The following SUSD6 variants were observed in gnomAD, a reference collection of about 807,000 sequenced individuals.
The protein encoded by SUSD6 is sushi domain containing 6.
In SUSD6, 16 loss-of-function variants were observed where a neutral mutation model predicts 28.4. The observed-to-expected ratio is 0.56, with a 90% CI of 0.38 to 0.86. The LOEUF (loss-of-function observed/expected upper bound fraction) is 0.86, where lower values mean the gene tolerates loss of function less well. Among genes scored for constraint, SUSD6 ranks in the 40% least tolerant of loss-of-function variants. SUSD6 has a pLI of 0.00. For synonymous variants in SUSD6, 147 were observed against 159.6 expected (o/e 0.92, Z 0.59); for missense variants, 341 against 384.2 (o/e 0.89, Z 0.94).
At chr14:69,680,096 A>G (rs1416119160) in intron 2 of SUSD6, among the ~76,000 whole-genome samples, 1 of 152,130 alleles carries the variant, frequency 6.6e-6, no homozygotes, top group Admixed American at 6.5e-5. Context: ...TCTCCTTAAG[A>G]ATGGTGTACA....
chr14:69,688,587 T>TGTGTGCTCCAGCCCC (rs1886109106), intron 2 of SUSD6, among the ~76,000 whole-genome samples: 1 of 152,224 alleles, frequency 6.6e-6, no homozygotes, highest in East Asian at 1.9e-4. Flanking sequence ...ATTCCTTTTC[T>TGTGTGCTCCAGCCCC]GTGTGCTCCA....
intron 2 of SUSD6, among the ~76,000 whole-genome samples, chr14:69,682,592 G>GTGCAATTGTTTT (rs1246787458): frequency 6.6e-6 from 1 of 152,094 alleles, no homozygotes; most frequent in African/African-American, 2.4e-5. Context: ...GCCATCCACT[G>GTGCAATTGTTTT]AAGGAGTCAC....
At chr14:69,649,430 A>G (rs374799331) in intron 1 of SUSD6, among the ~76,000 whole-genome samples, 1 of 152,274 alleles carries the variant, frequency 6.6e-6, no homozygotes, top group African/African-American at 2.4e-5. Flanking sequence ...TCTAGGGTCT[A>G]GGAACCAATT....
intron 2 of SUSD6, among the ~76,000 whole-genome samples, chr14:69,692,318 C>G (rs1335376337): frequency 6.6e-6 from 1 of 152,162 alleles, no homozygotes; most frequent in Non-Finnish European, 1.5e-5. Flanking sequence ...TGTATCCCAC[C>G]CCTATGTTAT....
intron 2 of SUSD6, among the ~76,000 whole-genome samples, chr14:69,667,347 C>T (rs1254553137): frequency 6.7e-6 from 1 of 149,622 alleles, no homozygotes; most frequent in African/African-American, 2.5e-5. Context: ...TCCTTGATAA[C>T]TGTGCATGGT....
In SUSD6 at chr14:69,615,643, C is replaced by T. The variant is rs927203524; in HGVS notation, c.-81+3815C>T. 3.3e-5 allele frequency: 5 copies of T among 152,310 alleles called. No homozygotes were observed. The South Asian group carries it at 6.2e-4, about 19-fold the overall frequency. The allele number at this position is 152,310 out of a possible 1,614,324, so 9.4% of individuals were successfully genotyped here. On this transcript the variant is annotated intron_variant, in intron 1 of 5. Coordinates refer to ENST00000342745, the MANE Select transcript of SUSD6 (RefSeq NM_014734.4). ...TGGCACTGAGCTGGGTCACTTCAGC[C>T]GTGAAAGGCCAACTGTACTACTGTC...
chr14:69,630,704 C>T (rs1211319334), intron 1 of SUSD6, among the ~76,000 whole-genome samples: 2 of 152,088 alleles, frequency 1.3e-5, no homozygotes, highest in African/African-American at 4.8e-5. Flanking sequence ...AAACCTCTTC[C>T]CCTCTCAACC....
intron 2 of SUSD6, among the ~76,000 whole-genome samples, chr14:69,690,920 A>T (rs1039059469): frequency 2.0e-5 from 3 of 152,116 alleles, no homozygotes; most frequent in Admixed American, 6.6e-5. Flanking sequence ...CCAAAAAACC[A>T]CACACCTTTT....
At chr14:69,614,924 T>A (rs1884936987) in intron 1 of SUSD6, among the ~76,000 whole-genome samples, 1 of 152,198 alleles carries the variant, frequency 6.6e-6, no homozygotes, top group African/African-American at 2.4e-5. Flanking sequence ...TTGCCATACA[T>A]GAAGTGAGTT....
chr14:69,654,782 T>TGG (rs1339462945), intron 1 of SUSD6, among the ~76,000 whole-genome samples: 1 of 45,550 alleles, frequency 2.2e-5, no homozygotes. Context: ...TTTTTTTTTT[T>TGG]TTTTTTTGGT....
At chr14:69,697,407 A>G (rs967373914) in intron 2 of SUSD6, among the ~76,000 whole-genome samples, 10 of 152,158 alleles carry the variant, frequency 6.6e-5, no homozygotes, top group African/African-American at 2.4e-4. Context: ...CTCAGCCCCT[A>G]TTCAAGATGG....
At chr14:69,669,252 C>T (rs898163339) in intron 2 of SUSD6, among the ~76,000 whole-genome samples, 1 of 151,750 alleles carries the variant, frequency 6.6e-6, no homozygotes, top group Non-Finnish European at 1.5e-5. Context: ...TTAATAGAGA[C>T]GGAGTTTCAC....
intron 1 of SUSD6, among the ~76,000 whole-genome samples, chr14:69,623,365 A>C (rs1453836683): frequency 6.6e-6 from 1 of 152,252 alleles, no homozygotes; most frequent in East Asian, 1.9e-4. Flanking sequence ...TGGTAAGGTC[A>C]TAGCACAATG....
chr14:69,631,611 G>A (rs537366745), intron 1 of SUSD6, among the ~76,000 whole-genome samples: 2 of 152,142 alleles, frequency 1.3e-5, no homozygotes, highest in Non-Finnish European at 1.5e-5. Context: ...CAGTGACTAA[G>A]CACTCAAATG....
rs1459261811 is a variant in SUSD6, at chr14:69,658,494, C to G, written c.-80-19C>G. ...TATGGCTGAAGTTTTCACTTTATGT[C>G]CTTGTTTGTTTGTTACAGGTGAATC... On this transcript the variant is annotated intron_variant, in intron 1 of 5. Coordinates refer to ENST00000342745, the MANE Select transcript of SUSD6 (RefSeq NM_014734.4). The G allele has an allele frequency of 7.8e-7, 1 of 1,288,868 alleles. No homozygotes were observed. Among genetic ancestry groups the G allele is most frequent in the East Asian group, 2.5e-5 (1 of 40,252 alleles). 79.8% of individuals were successfully genotyped at this position (1,288,868 alleles called of 1,614,324 possible).
At chr14:69,625,451 C>T (rs940227405) in intron 1 of SUSD6, among the ~76,000 whole-genome samples, 3 of 152,160 alleles carry the variant, frequency 2.0e-5, no homozygotes, top group Admixed American at 2.0e-4. Context: ...ACGGGGCTGA[C>T]GCCTACATGG....
intron 2 of SUSD6, among the ~76,000 whole-genome samples, chr14:69,668,627 A>G (rs1218697266): frequency 1.9e-5 from 2 of 105,358 alleles, no homozygotes; most frequent in Admixed American, 1.2e-4. Flanking sequence ...AAGAGCAAGA[A>G]TTCGTCTCAA....
At chr14:69,678,525 G>A (rs1021091314) in intron 2 of SUSD6, among the ~76,000 whole-genome samples, 1 of 152,172 alleles carries the variant, frequency 6.6e-6, no homozygotes, top group East Asian at 1.9e-4. Context: ...TGCTGCGGCT[G>A]GGCATGATGG....
chr14:69,652,493 A>G (rs1439117886), intron 1 of SUSD6, among the ~76,000 whole-genome samples: 14 of 152,186 alleles, frequency 9.2e-5, no homozygotes, highest in Admixed American at 2.0e-4. Context: ...TAAAAATTAC[A>G]TGTAAACGGA....
Sources: allele counts gnomAD v4.1 joint callset (sites outside exome capture counted in the v4.1 genomes callset), GRCh38; gene constraint gnomAD v4.1.1; transcripts MANE v1.5; gene names NCBI Gene and HGNC (gene_info 2026-07-23, HGNC 2026-07-21).